LILRB1: variants seen among roughly 807,000 people sequenced by gnomAD.
The protein encoded by LILRB1 is leukocyte immunoglobulin-like receptor subfamily B member 1.
A neutral mutation model predicts 74.6 loss-of-function variants in LILRB1; 59 were observed. The ratio of observed to expected loss-of-function variants is 0.79; its 90% CI spans 0.64 to 0.98. The LOEUF is 0.98. Among genes scored for constraint, LILRB1 ranks in the 50% least tolerant of loss-of-function variants. The pLI is 0.00. For synonymous variants in LILRB1, 328 were observed against 333.9 expected (o/e 0.98, Z 0.19); for missense variants, 804 against 822.6 (o/e 0.98, Z 0.28).
rs201729705 is a variant in LILRB1, at chr19:54,632,112, G to A, written c.536G>A (p.Arg179His). 1.1e-4 allele frequency: 174 copies of A among 1,613,730 alleles called. No homozygotes were observed. The highest frequency in any genetic ancestry group is 4.0e-4 in the African/African-American group (30 of 74,650). The change falls in exon 5 of 15, where the codon CGC (arginine) becomes CAC (histidine). Residue 179 changes from arginine (R) to histidine (H), a missense_variant. By Grantham distance (29) the Arg-to-His change is conservative. Coordinates refer to ENST00000324602, the MANE Select transcript of LILRB1 (RefSeq NM_001081637.3). Reference protein sequence around the residue: ...NSQPHARGSSRAIFSVGPVSP... With the variant: ...NSQPHARGSSHAIFSVGPVSP... ...CAGCCCCATGCCCGTGGGTCGTCCC[G>A]CGCCATCTTCTCCGTGGGCCCCGTG...
rs542168602 is a variant in LILRB1, at chr19:54,634,072, G to T, written c.1363+51G>T. 7 of 1,560,076 alleles carry T rather than the reference G, an allele frequency of 4.5e-6. No homozygotes were observed. The Admixed American group carries it at 5.8e-5, about 13-fold the overall frequency. The stretch of plus-strand genomic sequence containing the variant: ...GTGGGCAGGGTCCAGGGGAGGCAGG[G>T]GTGGGTTCTGTCCTAGGTTCAGTCT... On this transcript the variant is annotated intron_variant, in intron 9 of 14. Coordinates refer to ENST00000324602, the MANE Select transcript of LILRB1 (RefSeq NM_001081637.3).
At position 54,632,616 on chromosome 19, in the gene LILRB1, C is replaced by T. The variant is rs375561323; in HGVS notation, c.814C>T (p.Gln272Ter). Residue 272 changes from glutamine (Q) to a stop codon, truncating the protein, a stop_gained, in exon 6 of 15, where the codon CAG becomes TAG. Coordinates refer to ENST00000324602, the MANE Select transcript of LILRB1 (RefSeq NM_001081637.3). LOFTEE classifies it high-confidence loss of function. Reference protein sequence around the residue: ...ERDFLQLAGAQPQAGLSQANF... With the variant: ...ERDFLQLAGA Reference sequence around the variant, plus strand: ...TGACTTCCTTCAGCTCGCTGGCGCACAGCCCCAGGCTGGGCTCTCCCAGGC... The same window carrying T: ...TGACTTCCTTCAGCTCGCTGGCGCATAGCCCCAGGCTGGGCTCTCCCAGGC... The T allele has an allele frequency of 6.2e-7, 1 of 1,614,122 alleles. No individual in the cohort carries two copies. Among genetic ancestry groups the T allele is most frequent in the Non-Finnish European group, 8.5e-7 (1 of 1,180,014 alleles).
chr19:54,631,285 C>T lies in LILRB1; in HGVS notation c.49C>T (p.Pro17Ser). Residue 17 changes from proline to serine, a missense_variant, in exon 3 of 15, where the codon CCC (proline) becomes TCC (serine). Pro to Ser is a moderately conservative substitution (Grantham distance 74). Coordinates refer to ENST00000324602, the MANE Select transcript of LILRB1 (RefSeq NM_001081637.3). ...CTCTCTTCCAGGGCTGAGTCTGGGC[C>T]CCCGGACCCACGTGCAGGCAGGTGA... Reference protein sequence around the residue: ...VLICLGLSLGPRTHVQAGHLP... With the variant: ...VLICLGLSLGSRTHVQAGHLP... 6.8e-6 allele frequency: 11 copies of T among 1,613,516 alleles called. No homozygotes were observed. The highest frequency in any genetic ancestry group is 4.4e-5 in the South Asian group (4 of 91,054).
In LILRB1 at chr19:54,635,207, C is replaced by T. The variant is rs774927162; in HGVS notation, c.1562+28C>T. The T allele has an allele frequency of 1.9e-6, 3 of 1,607,454 alleles. No individual in the cohort carries two copies. The East Asian group carries it at 6.7e-5, about 36-fold the overall frequency. ...AATTCTGCCCGAAGACCCCAGACTC[C>T]CACCTGCTCGTGGCCCATACACTGC... On this transcript the variant is annotated intron_variant, in intron 11 of 14. Coordinates refer to ENST00000324602, the MANE Select transcript of LILRB1 (RefSeq NM_001081637.3).
Position 54,634,730 on chromosome 19 carries a change from C to T in LILRB1, c.1453C>T (p.Arg485Ter), listed in dbSNP as rs376266152. ...LLLLLLFLIL[R>*]HRRQGKHWTS... Reference sequence around the variant, plus strand: ...CCTCCTCCTCCTCTTCCTCATCCTCCGACATCGACGTCAGGGCAAACACTG... The same window carrying T: ...CCTCCTCCTCCTCTTCCTCATCCTCTGACATCGACGTCAGGGCAAACACTG... Residue 485 changes from arginine to a stop codon, truncating the protein, a stop_gained, in exon 10 of 15, where the codon CGA (arginine) becomes TGA (stop). Transcript: ENST00000324602. LOFTEE classifies it high-confidence loss of function. 16 of 1,613,848 alleles carry T rather than the reference C, an allele frequency of 9.9e-6. No homozygotes were observed. The highest frequency in any genetic ancestry group is 4.0e-5 in the African/African-American group (3 of 74,872).
upstream of LILRB1, chr19:54,617,010 T>C (rs1462591692): frequency 2.0e-5 from 3 of 152,218 alleles, no homozygotes; most frequent in Admixed American, 2.0e-4. Flanking sequence ...TGGAGGTGTT[T>C]AGACCTTCCG....
At chr19:54,628,258 T>A (rs941951800), upstream of LILRB1, among the ~76,000 whole-genome samples, 1 of 152,252 alleles carries the variant, frequency 6.6e-6, no homozygotes, top group African/African-American at 2.4e-5. Context: ...AGTATAAGCA[T>A]GCCAGGGCAA....
chr19:54,631,255 G>C lies in LILRB1; in HGVS notation c.35-16G>C. The C allele has an allele frequency of 6.2e-7, 1 of 1,613,800 alleles. No homozygotes were observed. The highest frequency in any genetic ancestry group is 8.5e-7 in the Non-Finnish European group (1 of 1,180,002). On this transcript the variant is annotated splice_polypyrimidine_tract_variant and intron_variant, in intron 2 of 14. Transcript: ENST00000324602. ...GGCTTCAGGGGGCAAATCCCTCACC[G>C]GGAACTCTCTTCCAGGGCTGAGTCT...
At position 54,637,333 on chromosome 19, in the gene LILRB1, T is replaced by C. The variant is rs2146311790; in HGVS notation, c.*455T>C. 1 of 163,182 alleles carries C rather than the reference T, an allele frequency of 6.1e-6. No homozygotes were observed. The highest frequency in any genetic ancestry group is 1.3e-5 in the Non-Finnish European group (1 of 74,440). The allele number at this position is 163,182 out of a possible 1,614,324, so 10.1% of individuals were successfully genotyped here. ...ACGAGTTCAGGAGATCGAGACCATC[T>C]TGGCCAACATGGTGAAACCCTGTCT... On this transcript the variant is annotated 3_prime_UTR_variant, in exon 15 of 15. Coordinates refer to ENST00000324602, the MANE Select transcript of LILRB1 (RefSeq NM_001081637.3).
At chr19:54,620,934 G>A (rs1233843344) in intron 1 of LILRB1, among the ~76,000 whole-genome samples, 3 of 152,044 alleles carry the variant, frequency 2.0e-5, no homozygotes, top group African/African-American at 7.2e-5. Flanking sequence ...GTGCAATGGT[G>A]CCATCTCTGC....
At position 54,634,931 on chromosome 19, in the gene LILRB1, G is replaced by A. The variant is rs117641726; in HGVS notation, c.1486+168G>A. ...TCTACAAATGTAAAGTGTCCTTCGG[G>A]CTCAGTGCCATCTACAAATGTAAAG... On this transcript the variant is annotated intron_variant, in intron 10 of 14. Transcript: ENST00000324602. 6.2e-4 allele frequency: 900 copies of A among 1,452,738 alleles called. 11 individuals are homozygous for A. The East Asian group carries it at 0.019, about 30-fold the overall frequency. 90.0% of individuals were successfully genotyped at this position (1,452,738 alleles called of 1,614,324 possible).
upstream of LILRB1, among the ~76,000 whole-genome samples, chr19:54,628,556 G>A (rs117196959): frequency 0.011 from 1,627 of 152,204 alleles, 69 homozygotes; most frequent in East Asian, 0.14. Flanking sequence ...AGACACTGAC[G>A]TTTCCTGGTT....
upstream of LILRB1, among the ~76,000 whole-genome samples, chr19:54,626,537 CTGA>C (rs528196248): frequency 1.1e-3 from 161 of 152,128 alleles, no homozygotes; most frequent in African/African-American, 3.8e-3. Context: ...TAGTTTTTCT[CTGA>C]TGACTAATGA....
At chr19:54,623,714 G>A (rs1429682919) in intron 1 of LILRB1, among the ~76,000 whole-genome samples, 1 of 152,184 alleles carries the variant, frequency 6.6e-6, no homozygotes, top group Non-Finnish European at 1.5e-5. Context: ...AAGCCAGTGC[G>A]ATCCTTTGGT....
chr19:54,627,484 T>A (rs2063627106), upstream of LILRB1, among the ~76,000 whole-genome samples: 1 of 152,192 alleles, frequency 6.6e-6, no homozygotes, highest in South Asian at 2.1e-4. Context: ...AAGGACTTTT[T>A]AAAAACCCCA....
In LILRB1 at chr19:54,621,023, C is replaced by G. The variant is rs372256839; in HGVS notation, c.-166+3674C>G. ...AAGTAGCTGGGATTACAGGTGCTCG[C>G]CACCATGCCTAGCTAATTTTTTGTA... On this transcript the variant is annotated intron_variant, in intron 1 of 15. Coordinates refer to the LILRB1 transcript ENST00000396331. Among the ~76,000 whole-genome samples, 10 of 152,154 alleles carry G rather than the reference C, an allele frequency of 6.6e-5. No individual in the cohort carries two copies. In the South Asian group the frequency reaches 2.1e-3, roughly 32 times the overall value.
At chr19:54,629,898 A>G (rs2063713082), upstream of LILRB1, among the ~76,000 whole-genome samples, 1 of 145,170 alleles carries the variant, frequency 6.9e-6, no homozygotes, top group South Asian at 2.2e-4. Flanking sequence ...AAATGCCCAG[A>G]TAGATGGACA....
upstream of LILRB1, among the ~76,000 whole-genome samples, chr19:54,616,773 T>C (rs1221276460): frequency 1.3e-5 from 2 of 151,880 alleles, no homozygotes; most frequent in African/African-American, 2.4e-5. Flanking sequence ...GTTGTTTTCA[T>C]AGGGAAACGA....
At chr19:54,622,134 G>C (rs1266031199) in intron 1 of LILRB1, among the ~76,000 whole-genome samples, 1 of 152,120 alleles carries the variant, frequency 6.6e-6, no homozygotes, top group African/African-American at 2.4e-5. Context: ...CTCCTGTTTT[G>C]TTCTTTTTGC....
Sources: gnomAD v4.1 joint callset for allele counts (sites outside exome capture counted in the v4.1 genomes callset) on GRCh38, gnomAD v4.1.1 for gene constraint, MANE v1.5 for transcripts, NCBI Gene and HGNC (gene_info 2026-07-23, HGNC 2026-07-21) for gene names.